EXT1: variants seen among roughly 807,000 people sequenced by gnomAD.
EXT1 encodes exostosin glycosyltransferase 1.
In EXT1, 20 loss-of-function variants were observed where a neutral mutation model predicts 82.5. The observed-to-expected ratio is 0.24, with a 90% CI of 0.17 to 0.35. The LOEUF (loss-of-function observed/expected upper bound fraction) is 0.35. Ranked by LOEUF, EXT1 falls within the 10% of genes least tolerant of loss-of-function variation. The pLI, the probability that EXT1 is intolerant of heterozygous loss-of-function variation, is 1.00. For missense variants in EXT1, 757 were observed against 936.5 expected, an observed-to-expected ratio of 0.81 and a Z score of 2.50; for synonymous variants, 348 against 350.8, an observed-to-expected ratio of 0.99 and a Z score of 0.09.
intron 1 of EXT1, among the ~76,000 whole-genome samples, chr8:117,863,053 CGTT>C (rs1370602467): frequency 1.3e-5 from 2 of 151,996 alleles, no homozygotes; most frequent in African/African-American, 4.8e-5. Context: ...GGGCAGTGGG[CGTT>C]GTTAGCTTTG....
chr8:117,903,566 C>G (rs1347179493), intron 1 of EXT1, among the ~76,000 whole-genome samples: 1 of 152,178 alleles, frequency 6.6e-6, no homozygotes, highest in Non-Finnish European at 1.5e-5. Flanking sequence ...TTCAACTAAA[C>G]ATGAATTAAT....
At chr8:117,839,376 G>A (rs1812237551) in intron 1 of EXT1, among the ~76,000 whole-genome samples, 1 of 152,154 alleles carries the variant, frequency 6.6e-6, no homozygotes, top group Non-Finnish European at 1.5e-5. Flanking sequence ...TGTCCTTTGA[G>A]AATATCCCAC....
chr8:117,973,953 GGA>G, intron 1 of EXT1, among the ~76,000 whole-genome samples: 1 of 148,374 alleles, frequency 6.7e-6, no homozygotes, highest in Non-Finnish European at 1.5e-5. Flanking sequence ...AAGGAAGGAA[GGA>G]AGGAAGGAAG....
intron 1 of EXT1, among the ~76,000 whole-genome samples, chr8:117,933,328 C>A (rs766548027): frequency 6.6e-6 from 1 of 151,266 alleles, no homozygotes. Flanking sequence ...CTCACTGCAA[C>A]CTCCACCTCT....
At chr8:117,860,204 C>T (rs1222834247) in intron 1 of EXT1, among the ~76,000 whole-genome samples, 2 of 132,878 alleles carry the variant, frequency 1.5e-5, no homozygotes, top group African/African-American at 5.7e-5. Context: ...TTTGTAGCAA[C>T]ATGGGTGGAA....
intron 1 of EXT1, among the ~76,000 whole-genome samples, chr8:117,895,356 T>C (rs1367422772): frequency 2.0e-5 from 3 of 152,180 alleles, no homozygotes; most frequent in Non-Finnish European, 4.4e-5. Context: ...CTACACTTTA[T>C]TGGGCACCTG....
rs6983422 is a variant in EXT1, at chr8:117,797,256, G to A, written c.*2456C>T. 0.21 allele frequency: 31,835 copies of A among 152,228 alleles called. 4,126 individuals carry two copies. Among genetic ancestry groups the A allele is most frequent in the Middle Eastern group, 0.38 (113 of 296 alleles). 9.4% of individuals were successfully genotyped at this position (152,228 alleles called of 1,614,324 possible). A position where few individuals can be genotyped will look rare whatever the true frequency, so the allele number is the denominator to read the frequency against. On this transcript the variant is annotated 3_prime_UTR_variant, in exon 11 of 11. Coordinates refer to ENST00000378204, the MANE Select transcript of EXT1 (RefSeq NM_000127.3). Reference sequence around the variant, plus strand: ...TATATTCCAAATGGGAGAAGAACACGCTAGCTCACATCCCAAAGAGATTTG... The same window carrying A: ...TATATTCCAAATGGGAGAAGAACACACTAGCTCACATCCCAAAGAGATTTG...
At chr8:118,070,131 G>T (rs982338926) in intron 1 of EXT1, among the ~76,000 whole-genome samples, 6 of 151,996 alleles carry the variant, frequency 3.9e-5, no homozygotes, top group Non-Finnish European at 8.8e-5. Flanking sequence ...AACACCGATG[G>T]TGCGTTTTTA....
At chr8:117,811,739 C>T (rs559323021) in intron 8 of EXT1, among the ~76,000 whole-genome samples, 35 of 152,104 alleles carry the variant, frequency 2.3e-4, no homozygotes, top group African/African-American at 8.4e-4. Flanking sequence ...GCCTCAGCTT[C>T]CCGAGTAGCT....
intron 1 of EXT1, among the ~76,000 whole-genome samples, chr8:118,021,280 T>C (rs149724532): frequency 8.5e-5 from 13 of 152,336 alleles, no homozygotes; most frequent in African/African-American, 2.9e-4. Context: ...TGACCACTAA[T>C]ATGTCAGATC....
At chr8:118,054,874 G>A (rs1366966239) in intron 1 of EXT1, among the ~76,000 whole-genome samples, 1 of 151,998 alleles carries the variant, frequency 6.6e-6, no homozygotes, top group Non-Finnish European at 1.5e-5. Flanking sequence ...CTGAGAGTGA[G>A]CCTCTCATTG....
At chr8:117,870,013 G>T (rs138440813) in intron 1 of EXT1, among the ~76,000 whole-genome samples, 1 of 152,044 alleles carries the variant, frequency 6.6e-6, no homozygotes, top group Non-Finnish European at 1.5e-5. Context: ...CCCCTGTTGC[G>T]AGAATCAATG....
intron 1 of EXT1, among the ~76,000 whole-genome samples, chr8:118,007,811 G>A (rs1161326286): frequency 1.3e-5 from 2 of 152,134 alleles, no homozygotes; most frequent in East Asian, 1.9e-4. Flanking sequence ...AAACTAAAGT[G>A]TAATATGCTT....
intron 1 of EXT1, among the ~76,000 whole-genome samples, chr8:118,050,038 T>C (rs1038152058): frequency 2.0e-5 from 3 of 152,176 alleles, no homozygotes; most frequent in African/African-American, 7.2e-5. Flanking sequence ...CAATTCTATA[T>C]ACCCATTCAC....
At chr8:117,918,077 T>C (rs1813788274) in intron 1 of EXT1, among the ~76,000 whole-genome samples, 1 of 152,132 alleles carries the variant, frequency 6.6e-6, no homozygotes, top group African/African-American at 2.4e-5. Context: ...ATGACTTCCT[T>C]GCTGAGCTTC....
intron 1 of EXT1, among the ~76,000 whole-genome samples, chr8:117,965,014 T>C (rs78218937): frequency 0.017 from 2,613 of 152,246 alleles, 74 homozygotes; most frequent in African/African-American, 0.057. Context: ...AGGCATTCAA[T>C]AAATATTTGT....
chr8:118,040,503 T>G (rs1816509728), intron 1 of EXT1, among the ~76,000 whole-genome samples: 1 of 152,212 alleles, frequency 6.6e-6, no homozygotes, highest in Non-Finnish European at 1.5e-5. Context: ...ACTCTGTCAG[T>G]GGACATTTCC....
chr8:117,814,591 G>A (rs1377597133), intron 7 of EXT1, among the ~76,000 whole-genome samples: 4 of 152,020 alleles, frequency 2.6e-5, no homozygotes, highest in South Asian at 4.2e-4. Flanking sequence ...CTTGGCCACC[G>A]GGCTGTATCT....
At chr8:117,893,586 A>G (rs1045503997) in intron 1 of EXT1, among the ~76,000 whole-genome samples, 3 of 152,226 alleles carry the variant, frequency 2.0e-5, no homozygotes, top group Non-Finnish European at 2.9e-5. Context: ...AGATATTTGC[A>G]CTCAAGCAGG....
Sources: allele counts gnomAD v4.1 joint callset (sites outside exome capture counted in the v4.1 genomes callset), GRCh38; gene constraint gnomAD v4.1.1; transcripts MANE v1.5; gene names NCBI Gene and HGNC (gene_info 2026-07-23, HGNC 2026-07-21).